TTK: variants seen among roughly 807,000 people sequenced by gnomAD.
TTK encodes the protein dual specificity protein kinase TTK.
In TTK, 59 loss-of-function variants were observed where a neutral mutation model predicts 117.3. That is an observed-to-expected ratio of 0.50 (90% CI 0.41 to 0.62). The LOEUF is 0.62. TTK is among the 20% of genes least tolerant of loss of function. TTK has a pLI of 0.00. For synonymous variants in TTK, 302 were observed against 325.0 expected, an observed-to-expected ratio of 0.93 and a Z score of 0.76; for missense variants, 921 against 989.4, an observed-to-expected ratio of 0.93 and a Z score of 0.93.
chr6:80,028,358 C>A (rs1324830678), intron 13 of TTK, among the ~76,000 whole-genome samples: 1 of 151,332 alleles, frequency 6.6e-6, no homozygotes, highest in East Asian at 1.9e-4. Context: ...CGCTCTATTG[C>A]CCAAGCTGGA....
intron 11 of TTK, 89 bp from the exon 12 acceptor site, chr6:80,026,284 ATTATT>A: frequency 7.7e-7 from 1 of 1,297,928 alleles, no homozygotes; most frequent in Non-Finnish European, 1.0e-6. Flanking sequence ...ATCATATGTT[ATTATT>A]TTATTTTAAA....
chr6:80,024,540 C>T (rs1049130864), intron 11 of TTK, among the ~76,000 whole-genome samples: 3 of 152,100 alleles, frequency 2.0e-5, no homozygotes, highest in Non-Finnish European at 4.4e-5. Context: ...ATAAAATGGT[C>T]AGAATAGGCA....
At chr6:80,021,935 GA>G (rs937334284) in intron 10 of TTK, among the ~76,000 whole-genome samples, 1 of 150,836 alleles carries the variant, frequency 6.6e-6, no homozygotes, top group Admixed American at 6.6e-5. Context: ...AAGCAAAAAG[GA>G]AAAAAAAATG....
At chr6:80,016,275 G>C (rs1562014634) in intron 10 of TTK, among the ~76,000 whole-genome samples, 2 of 152,150 alleles carry the variant, frequency 1.3e-5, no homozygotes, top group African/African-American at 4.8e-5. Context: ...CATGTGTTCA[G>C]CTTTGGAAGA....
Position 80,040,701 on chromosome 6 carries a change from A to T in TTK, c.2488A>T (p.Lys830Ter), listed in dbSNP as rs761719966. 4 of 1,610,952 alleles carry T rather than the reference A, an allele frequency of 2.5e-6. No homozygotes were observed. In the African/African-American group the frequency reaches 5.3e-5, roughly 22 times the overall value. Residue 830 changes from lysine (K) to a stop codon, truncating the protein, a stop_gained and splice_region_variant, in exon 21 of 22, where the codon AAA (lysine) becomes TAA (stop). Coordinates refer to ENST00000369798, the MANE Select transcript of TTK (RefSeq NM_003318.5). LOFTEE classifies it high-confidence loss of function. Reference sequence around the variant, plus strand: ...TCCTAACTCCATTTTGAAAGCTGCTAAAGTAAGTATGTCTATTCTTTACAT... The same window carrying T: ...TCCTAACTCCATTTTGAAAGCTGCTTAAGTAAGTATGTCTATTCTTTACAT... ...NSPNSILKAA[K>*]TLYEHYSGGE...
intron 18 of TTK, 95 bp from the exon 19 acceptor site, chr6:80,039,601 A>G (rs1189249309): frequency 1.1e-6 from 1 of 943,876 alleles, no homozygotes; most frequent in Non-Finnish European, 1.4e-6. Flanking sequence ...TTGAGATTTA[A>G]TTATGATTTT....
chr6:80,018,461 C>CA (rs34854423), intron 10 of TTK, among the ~76,000 whole-genome samples: 57 of 144,376 alleles, frequency 3.9e-4, no homozygotes, highest in African/African-American at 6.9e-4. Context: ...GCTAAAAATA[C>CA]AAAAAAAAAA....
intron 8 of TTK, 27 bp downstream of exon 8, chr6:80,012,007 T>G (rs185029606): frequency 1.3e-6 from 2 of 1,575,238 alleles, no homozygotes; most frequent in Admixed American, 1.8e-5. Context: ...TTTTTAAAAT[T>G]TGTTGTCCGT....
At chr6:80,009,133 G>T (rs867856114) in intron 4 of TTK, among the ~76,000 whole-genome samples, 1 of 151,680 alleles carries the variant, frequency 6.6e-6, no homozygotes, top group Non-Finnish European at 1.5e-5. Context: ...CATTTTCCAG[G>T]GCCTTTGGAT....
At chr6:80,034,084 A>G (rs1021049425) in intron 14 of TTK, among the ~76,000 whole-genome samples, 15 of 152,182 alleles carry the variant, frequency 9.9e-5, no homozygotes, top group African/African-American at 3.4e-4. Flanking sequence ...TCTGAATTCA[A>G]TTAAATTATC....
intron 11 of TTK, among the ~76,000 whole-genome samples, chr6:80,024,136 T>C (rs537561510): frequency 6.6e-6 from 1 of 152,324 alleles, no homozygotes; most frequent in African/African-American, 2.4e-5. Context: ...TGGAGAATTT[T>C]AGAACCTTCA....
chr6:80,034,891 A>G, intron 14 of TTK, 94 bp from the exon 15 acceptor site: 2 of 1,115,536 alleles, frequency 1.8e-6, no homozygotes, highest in Non-Finnish European at 2.4e-6. Context: ...TTTCCTTTAG[A>G]ATTTTCTCAA....
chr6:80,008,300 G>T, intron 3 of TTK, 86 bp from the exon 4 acceptor site: 1 of 1,352,344 alleles, frequency 7.4e-7, no homozygotes, highest in Non-Finnish European at 1.0e-6. Context: ...AATATCCCAT[G>T]TTTTTTGGAA....
At chr6:80,023,778 A>G (rs1045562940) in intron 11 of TTK, among the ~76,000 whole-genome samples, 4 of 152,172 alleles carry the variant, frequency 2.6e-5, no homozygotes, top group Non-Finnish European at 4.4e-5. Flanking sequence ...TTTGCATTCA[A>G]TGTATTTCAT....
At chr6:80,041,027 A>G (rs1424420061) in intron 21 of TTK, among the ~76,000 whole-genome samples, 1 of 151,730 alleles carries the variant, frequency 6.6e-6, no homozygotes, top group Non-Finnish European at 1.5e-5. Flanking sequence ...ACAGCTTTTG[A>G]ATTCATTCCT....
chr6:80,005,191 A>C (rs575382206), intron 1 of TTK, among the ~76,000 whole-genome samples: 2 of 151,878 alleles, frequency 1.3e-5, no homozygotes, highest in South Asian at 4.1e-4. Flanking sequence ...TTTGAGAGTC[A>C]CAAAGATACG....
Position 80,013,301 on chromosome 6 carries a change from C to G in TTK, c.919C>G (p.Arg307Gly). The G allele has an allele frequency of 6.3e-7, 1 of 1,598,794 alleles. No homozygotes were observed. Among genetic ancestry groups the G allele is most frequent in the Non-Finnish European group, 8.5e-7 (1 of 1,174,966 alleles). ...MKRQTSRSEC[R>G]DLVVPGSKPS... ...AAGACAAACCTCTAGATCAGAATGC[C>G]GAGATTTGGTTGTGCCTGGATCTAA... Residue 307 changes from arginine (R) to glycine (G), a missense_variant, in exon 9 of 22, where the codon CGA becomes GGA. By Grantham distance (125) the Arg-to-Gly change is moderately radical. Transcript: ENST00000369798.
chr6:80,019,152 A>G (rs1767393398), intron 10 of TTK, among the ~76,000 whole-genome samples: 1 of 152,206 alleles, frequency 6.6e-6, no homozygotes, highest in Admixed American at 6.5e-5. Flanking sequence ...AATGTTAAAT[A>G]TATTGTTGAG....
intron 21 of TTK, among the ~76,000 whole-genome samples, chr6:80,041,790 G>A (rs942843879): frequency 1.3e-5 from 2 of 150,990 alleles, no homozygotes; most frequent in Non-Finnish European, 3.0e-5. Context: ...AATATATTTT[G>A]TATAGGAATT....
Sources: allele counts gnomAD v4.1 joint callset (sites outside exome capture counted in the v4.1 genomes callset), GRCh38; gene constraint gnomAD v4.1.1; transcripts MANE v1.5; gene names NCBI Gene and HGNC (gene_info 2026-07-23, HGNC 2026-07-21).